Variants in FREM1 observed in about 807,000 individuals in gnomAD.
FREM1 encodes the protein FRAS1 related extracellular matrix 1, also known as FRAS1-related extracellular matrix protein 1.
FREM1 carries 220 observed loss-of-function variants against 210.1 expected under a neutral mutation model. The ratio of observed to expected loss-of-function variants is 1.05; its 90% CI spans 0.94 to 1.17. The LOEUF (loss-of-function observed/expected upper bound fraction) is 1.17. Among genes scored for constraint, FREM1 ranks in the 50% most tolerant of loss-of-function variants. The pLI, the probability that FREM1 is intolerant of heterozygous loss-of-function variation, is 0.00. For synonymous variants in FREM1, 1,189 were observed against 980.2 expected (o/e 1.21, Z -3.98); for missense variants, 3,454 against 2,675.5 (o/e 1.29, Z -6.42).
rs746855245 is a variant in FREM1 at position 14,769,889 on chromosome 9, A to C, written c.5060-21T>G. On this transcript the variant is annotated intron_variant, in intron 26 of 36. Coordinates refer to ENST00000380880, the MANE Select transcript of FREM1 (RefSeq NM_001379081.2). ...TTCACCTAAAAAAAGAAATAAATGA[A>C]TATCATGGGTAATCAAACAAAACAT... is the stretch of plus-strand genomic sequence containing the variant. 1.5e-5 allele frequency: 19 copies of C among 1,232,588 alleles called. No individual in the cohort carries two copies. The South Asian group carries it at 2.4e-4, about 16-fold the overall frequency. The allele number at this position is 1,232,588 out of a possible 1,614,324, so 76.4% of individuals were successfully genotyped here. A position where few individuals can be genotyped will look rare whatever the true frequency, so the allele number is the denominator to read the frequency against.
At chr9:14,774,275 G>C in intron 25 of FREM1, 2 of 431,818 alleles carry the variant, frequency 4.6e-6, no homozygotes, top group South Asian at 1.8e-5. Context: ...AGTACATTTT[G>C]AGTAAAGAGA....
At chr9:14,901,149 G>A (rs994743258) in intron 1 of FREM1, among the ~76,000 whole-genome samples, 2 of 152,142 alleles carry the variant, frequency 1.3e-5, no homozygotes, top group Non-Finnish European at 2.9e-5. Context: ...TTAAGACAAG[G>A]TAGAAGTGGA....
At chr9:14,749,010 TTAA>T (rs1842909227) in intron 30 of FREM1, among the ~76,000 whole-genome samples, 1 of 152,172 alleles carries the variant, frequency 6.6e-6, no homozygotes. Context: ...CACAAGCACT[TTAA>T]AGTAATCATT....
rs369341108 is a variant in FREM1 at position 14,863,799 on chromosome 9, T to C, written c.329+10A>G. 3.2e-6 allele frequency: 5 copies of C among 1,572,594 alleles called. No homozygotes were observed. Among genetic ancestry groups the C allele is most frequent in the African/African-American group, 1.3e-5 (1 of 74,184 alleles). On this transcript the variant is annotated intron_variant, in intron 3 of 36. Transcript: ENST00000380880. ...TGGCAGCAAATGAGCGATGTTCCCG[T>C]GCCGCTTACCTGTAAAGTCTGAGCT...
At chr9:14,745,415 C>T (rs1842236079) in intron 35 of FREM1, among the ~76,000 whole-genome samples, 1 of 151,932 alleles carries the variant, frequency 6.6e-6, no homozygotes, top group Admixed American at 6.6e-5. Context: ...ATTTATTGAC[C>T]AACTGGACAT....
chr9:14,813,168 T>A, intron 15 of FREM1, 104 bp from the exon 16 acceptor site: 1 of 1,225,100 alleles, frequency 8.2e-7, no homozygotes, highest in Non-Finnish European at 1.1e-6. Flanking sequence ...ATTTTCATCT[T>A]ACAGACACAT....
At chr9:14,771,903 T>C (rs898065804) in intron 25 of FREM1, among the ~76,000 whole-genome samples, 1 of 152,044 alleles carries the variant, frequency 6.6e-6, no homozygotes, top group Non-Finnish European at 1.5e-5. Flanking sequence ...AGAATTCGAA[T>C]ATAATTATAA....
chr9:14,832,376 G>A (rs1230761773), intron 10 of FREM1, among the ~76,000 whole-genome samples: 1 of 152,152 alleles, frequency 6.6e-6, no homozygotes, highest in Non-Finnish European at 1.5e-5. Flanking sequence ...AACCCTCACT[G>A]CAGCTAAAAC....
At chr9:14,882,788 C>T (rs1165546971) in intron 1 of FREM1, among the ~76,000 whole-genome samples, 2 of 151,260 alleles carry the variant, frequency 1.3e-5, no homozygotes, top group African/African-American at 4.9e-5. Flanking sequence ...TATGAACATA[C>T]TTTCCTCTTT....
At chr9:14,867,578 G>GA (rs1831765425) in intron 2 of FREM1, among the ~76,000 whole-genome samples, 1 of 152,194 alleles carries the variant, frequency 6.6e-6, no homozygotes, top group African/African-American at 2.4e-5. Flanking sequence ...TCTATAACTT[G>GA]AAGTGTGGTA....
At chr9:14,795,905 C>T (rs917193676) in intron 21 of FREM1, among the ~76,000 whole-genome samples, 4 of 152,184 alleles carry the variant, frequency 2.6e-5, no homozygotes, top group Non-Finnish European at 4.4e-5. Flanking sequence ...CCAGCTTTCA[C>T]CTCCCTGCCT....
chr9:14,896,373 A>AT (rs1837719295), intron 1 of FREM1, among the ~76,000 whole-genome samples: 1 of 151,966 alleles, frequency 6.6e-6, no homozygotes, highest in Admixed American at 6.6e-5. Flanking sequence ...GTGAAACTCC[A>AT]TCTCTACTAA....
chr9:14,792,927 T>C lies in FREM1; in HGVS notation c.3840-43A>G, dbSNP rs1325822715. ...TCTGGGTTGATATAAAAATAGAAGATATTCCTTTAGTAGGGGACACTTATA... is the reference window on the plus strand; with the variant it reads ...TCTGGGTTGATATAAAAATAGAAGACATTCCTTTAGTAGGGGACACTTATA... On this transcript the variant is annotated intron_variant, in intron 21 of 36. Transcript: ENST00000380880. 2.2e-6 allele frequency: 3 copies of C among 1,380,594 alleles called. No individual in the cohort carries two copies. The African/African-American group carries it at 4.3e-5, about 20-fold the overall frequency. 85.5% of individuals were successfully genotyped at this position (1,380,594 alleles called of 1,614,324 possible).
intron 2 of FREM1, 123 bp from the exon 3 acceptor site, chr9:14,864,026 T>A (rs1333469547): frequency 1.5e-6 from 1 of 661,020 alleles, no homozygotes; most frequent in Admixed American, 2.1e-5. Flanking sequence ...TGTGTGTGAG[T>A]GTGTGTGTCT....
chr9:14,772,830 G>A (rs1391647049), intron 25 of FREM1, among the ~76,000 whole-genome samples: 1 of 152,134 alleles, frequency 6.6e-6, no homozygotes, highest in African/African-American at 2.4e-5. Flanking sequence ...AATACCCAGA[G>A]TTGATACTAA....
At chr9:14,747,759 G>A in intron 31 of FREM1, 31 bp from the exon 32 acceptor site, 1 of 1,401,658 alleles carries the variant, frequency 7.1e-7, no homozygotes, top group Non-Finnish European at 9.7e-7. Context: ...AATATGAACA[G>A]AATTGGATTG....
chr9:14,740,970 T>G lies in FREM1; in HGVS notation c.6255-736A>C, dbSNP rs545823202. ...TAAGTAAGAAGCCACTAAGTAATTC[T>G]TTCTTCTTTAAAAATAAAAAAAACA... On this transcript the variant is annotated intron_variant, in intron 35 of 36. Transcript: ENST00000380880. Among the ~76,000 whole-genome samples the G allele has an allele frequency of 3.5e-3, 527 of 152,268 alleles. 4 individuals are homozygous for G. The highest frequency in any genetic ancestry group is 0.027 in the Middle Eastern group (8 of 294).
intron 29 of FREM1, among the ~76,000 whole-genome samples, chr9:14,752,272 T>C (rs757315932): frequency 6.6e-6 from 1 of 151,990 alleles, no homozygotes; most frequent in Non-Finnish European, 1.5e-5. Flanking sequence ...TATATAAATG[T>C]GGGCTTTAGA....
intron 16 of FREM1, among the ~76,000 whole-genome samples, chr9:14,809,301 C>T (rs942276320): frequency 3.9e-5 from 6 of 152,128 alleles, no homozygotes; most frequent in South Asian, 2.1e-4. Flanking sequence ...TGCCCAATTT[C>T]GGGTATGTCT....
Sources: gnomAD v4.1 joint callset for allele counts (sites outside exome capture counted in the v4.1 genomes callset) on GRCh38, gnomAD v4.1.1 for gene constraint, MANE v1.5 for transcripts, NCBI Gene and HGNC (gene_info 2026-07-23, HGNC 2026-07-21) for gene names.